The following RNF20 variants were observed in gnomAD, a reference collection of about 807,000 sequenced individuals.
RNF20 encodes ring finger protein 20.
Under a neutral mutation model 126.2 loss-of-function variants are expected in RNF20, and 84 were observed. The observed-to-expected ratio is 0.67, with a 90% CI of 0.56 to 0.80. RNF20 has a LOEUF of 0.80. Ranked by LOEUF, RNF20 falls within the 30% of genes least tolerant of loss-of-function variation. The probability of loss-of-function intolerance (pLI) is 0.00; values close to 1 mark genes in which losing one functional copy is unlikely to be tolerated. For missense variants in RNF20, 869 were observed against 1,188.2 expected (o/e 0.73, Z 3.95); for synonymous variants, 400 against 414.3 (o/e 0.97, Z 0.42).
intron 4 of RNF20, 61 bp from the exon 5 acceptor site, chr9:101,540,732 G>T (rs1016680910): frequency 1.3e-6 from 2 of 1,590,848 alleles, no homozygotes; most frequent in African/African-American, 1.4e-5. Flanking sequence ...AAAAAAAATG[G>T]ATTTTGTTAT....
intron 18 of RNF20, 104 bp from the exon 19 acceptor site, chr9:101,561,806 T>C: frequency 2.5e-6 from 2 of 802,538 alleles, no homozygotes; most frequent in Non-Finnish European, 2.2e-6. Context: ...CATAAAAGGA[T>C]AGAAAGTCCC....
At chr9:101,540,074 T>C (rs1166842198) in intron 2 of RNF20, 129 bp from the exon 3 acceptor site, 3 of 862,940 alleles carry the variant, frequency 3.5e-6, no homozygotes, top group Non-Finnish European at 5.3e-6. Flanking sequence ...TAATTACTTG[T>C]AAGATTTTTT....
intron 1 of RNF20, among the ~76,000 whole-genome samples, chr9:101,535,154 G>A (rs1383191516): frequency 6.6e-6 from 1 of 151,644 alleles, no homozygotes; most frequent in South Asian, 2.1e-4. Flanking sequence ...TGATCCGCCC[G>A]CCTCGGCCTC....
At position 101,540,793 on chromosome 9, in the gene RNF20, G is replaced by C; in HGVS notation, c.446G>C (p.Gly149Ala). ...TCTTTTTTTCCCCCTGTGTCCTCAG[G>C]GGAAGGGCAAGAGCCAGCTTTCTCT... The part of the protein sequence containing the change: ...NQERKDDRER[G>A]EGQEPAFSFL... Residue 149 changes from glycine (G) to alanine (A), a missense_variant and splice_region_variant, in exon 5 of 20, where the codon GGG (glycine) becomes GCG (alanine). Gly to Ala is a moderately conservative substitution (Grantham distance 60). This residue lies in a region of RNF20 where 157 missense variants were observed against 236.0 expected (regional missense o/e 0.67). Coordinates refer to ENST00000389120, the MANE Select transcript of RNF20 (RefSeq NM_019592.7). 6.2e-7 allele frequency: 1 copy of C among 1,613,252 alleles called. No homozygotes were observed. The highest frequency in any genetic ancestry group is 1.1e-5 in the South Asian group (1 of 91,022).
At chr9:101,551,606 C>G in intron 10 of RNF20, 78 bp from the exon 11 acceptor site, 1 of 661,796 alleles carries the variant, frequency 1.5e-6, no homozygotes. Context: ...TGGAAATTTT[C>G]AGAGTAATCC....
At position 101,562,560 on chromosome 9, in the gene RNF20, A is replaced by G; in HGVS notation, c.*138A>G. 2.7e-6 allele frequency: 2 copies of G among 739,454 alleles called. No homozygotes were observed. The highest frequency in any genetic ancestry group is 2.2e-5 in the South Asian group (1 of 44,622). The allele number at this position is 739,454 out of a possible 1,614,324, so 45.8% of individuals were successfully genotyped here. ...TACCTTTCCTCCAGACTTTACTTCC[A>G]GGCTCTCCTCTTCAGTAGCTGGATG... On this transcript the variant is annotated 3_prime_UTR_variant, in exon 20 of 20. Coordinates refer to ENST00000389120, the MANE Select transcript of RNF20 (RefSeq NM_019592.7).
At chr9:101,549,552 TAG>T (rs1338003190) in intron 9 of RNF20, among the ~76,000 whole-genome samples, 1 of 150,788 alleles carries the variant, frequency 6.6e-6, no homozygotes, top group African/African-American at 2.4e-5. Flanking sequence ...GGTGGAGGAG[TAG>T]AGTCTTCTCT....
intron 13 of RNF20, 138 bp downstream of exon 13, chr9:101,552,891 G>A (rs1035494978): frequency 4.4e-6 from 4 of 900,476 alleles, no homozygotes; most frequent in Non-Finnish European, 6.6e-6. Flanking sequence ...GTTTCAAGTC[G>A]TGTTCAAGTG....
intron 1 of RNF20, among the ~76,000 whole-genome samples, chr9:101,534,710 C>A (rs1827154777): frequency 6.6e-6 from 1 of 152,146 alleles, no homozygotes; most frequent in Non-Finnish European, 1.5e-5. Context: ...TCTTTCAGCT[C>A]TGTGATTCTT....
intron 16 of RNF20, among the ~76,000 whole-genome samples, chr9:101,558,109 C>T (rs887925680): frequency 2.6e-5 from 4 of 151,464 alleles, no homozygotes; most frequent in Non-Finnish European, 4.4e-5. Context: ...TTGGTGCACC[C>T]ATAACCCAAG....
chr9:101,543,641 CTGTT>C (rs1338868098), intron 5 of RNF20, among the ~76,000 whole-genome samples: 4 of 152,270 alleles, frequency 2.6e-5, no homozygotes, highest in African/African-American at 4.8e-5. Flanking sequence ...GCAGTACTGT[CTGTT>C]TGTTTGGTCT....
intron 6 of RNF20, among the ~76,000 whole-genome samples, chr9:101,546,373 GT>G (rs1394757572): frequency 1.3e-5 from 2 of 152,038 alleles, no homozygotes; most frequent in African/African-American, 4.8e-5. Flanking sequence ...GAGTATGGAA[GT>G]TTTCTTTTGT....
intron 16 of RNF20, among the ~76,000 whole-genome samples, chr9:101,558,329 A>T (rs768108035): frequency 6.6e-6 from 1 of 152,134 alleles, no homozygotes; most frequent in African/African-American, 2.4e-5. Flanking sequence ...TCCAATTCCA[A>T]TTCCATCCGG....
chr9:101,540,751 T>G, intron 4 of RNF20, 42 bp from the exon 5 acceptor site: 2 of 1,594,806 alleles, frequency 1.3e-6, no homozygotes, highest in Non-Finnish European at 1.7e-6. Context: ...ATTTCCAGTT[T>G]ATAATTTTGG....
intron 5 of RNF20, among the ~76,000 whole-genome samples, chr9:101,542,318 A>G (rs1225049241): frequency 2.0e-5 from 3 of 152,260 alleles, no homozygotes; most frequent in African/African-American, 4.8e-5. Context: ...ACAAATAAGT[A>G]GACTACAAAA....
chr9:101,557,800 A>G (rs756193272), intron 16 of RNF20, among the ~76,000 whole-genome samples: 6 of 152,174 alleles, frequency 3.9e-5, no homozygotes, highest in Non-Finnish European at 7.3e-5. Flanking sequence ...CTTGTCAAAT[A>G]TGGATCTGCT....
intron 6 of RNF20, among the ~76,000 whole-genome samples, chr9:101,545,766 C>T (rs1827336424): frequency 6.6e-6 from 1 of 152,180 alleles, no homozygotes; most frequent in Non-Finnish European, 1.5e-5. Flanking sequence ...TGTTTTAAGA[C>T]ATTGACTAGG....
chr9:101,553,917 A>T (rs1265418247), intron 13 of RNF20, 71 bp from the exon 14 acceptor site: 10 of 823,198 alleles, frequency 1.2e-5, no homozygotes, highest in Non-Finnish European at 1.8e-5. Context: ...TGCTCAATCA[A>T]AATTCCCTTG....
chr9:101,544,930 G>A, intron 6 of RNF20, 45 bp downstream of exon 6: 1 of 1,203,296 alleles, frequency 8.3e-7, no homozygotes, highest in Non-Finnish European at 1.2e-6. Context: ...GTGGGCTGTG[G>A]CAGATGTTGA....
Sources: allele counts gnomAD v4.1 joint callset (sites outside exome capture counted in the v4.1 genomes callset), GRCh38; gene constraint gnomAD v4.1.1; regional missense constraint gnomAD v4.1.1; transcripts MANE v1.5; gene names NCBI Gene and HGNC (gene_info 2026-07-23, HGNC 2026-07-21).